The following CRB1 variants were observed in gnomAD, a reference collection of about 807,000 sequenced individuals.
The protein encoded by CRB1 is crumbs cell polarity complex component 1.
A neutral mutation model predicts 120.0 loss-of-function variants in CRB1; 83 were observed. The observed-to-expected ratio is 0.69, with a 90% CI of 0.58 to 0.83. The LOEUF is 0.83. CRB1 is among the 40% of genes least tolerant of loss of function. CRB1 has a pLI of 0.00. For missense variants in CRB1, 1,699 were observed against 1,687.6 expected (o/e 1.01, Z -0.12); for synonymous variants, 625 against 612.5 (o/e 1.02, Z -0.30).
At chr1:197,372,323 C>T (rs2125384668) in intron 5 of CRB1, among the ~76,000 whole-genome samples, 1 of 152,222 alleles carries the variant, frequency 6.6e-6, no homozygotes, top group Admixed American at 6.5e-5. Flanking sequence ...CGTAAGGGAG[C>T]TTAGATTGAC....
At chr1:197,218,656 T>G in the CRB1 span, among the ~76,000 whole-genome samples, 1 of 152,066 alleles carries the variant, frequency 6.6e-6, no homozygotes, top group Non-Finnish European at 1.5e-5. Flanking sequence ...TGACTGTGGA[T>G]GATACAAGGT....
intron 2 of CRB1, among the ~76,000 whole-genome samples, chr1:197,331,055 G>A (rs1010867491): frequency 2.6e-5 from 4 of 151,908 alleles, no homozygotes; most frequent in Non-Finnish European, 4.4e-5. Context: ...GGTGGCGGGC[G>A]CCTGTAGTCG....
chr1:197,226,733 C>T, the CRB1 span, among the ~76,000 whole-genome samples: 1 of 152,088 alleles, frequency 6.6e-6, no homozygotes, highest in Non-Finnish European at 1.5e-5. Context: ...AGGACTGTTT[C>T]CATGCTGCTG....
rs140637459 is a variant in CRB1 at position 197,304,420 on chromosome 1, G to A, written c.71-24002G>A. The A allele has an allele frequency of 2.8e-5, 27 of 975,024 alleles. No individual in the cohort carries two copies. In the East Asian group the frequency reaches 2.7e-3, roughly 99 times the overall value. 60.4% of individuals were successfully genotyped at this position (975,024 alleles called of 1,614,324 possible). Reference sequence around the variant, plus strand: ...TGGCATGTGCTCAGGAAAGGTAAATGTATGTCCTGGTTCAGGTGTATTCTC... The same window carrying A: ...TGGCATGTGCTCAGGAAAGGTAAATATATGTCCTGGTTCAGGTGTATTCTC... On this transcript the variant is annotated intron_variant, in intron 1 of 11. Transcript: ENST00000367400.
upstream of CRB1, among the ~76,000 whole-genome samples, chr1:197,264,621 T>G (rs1654591185): frequency 1.3e-5 from 2 of 151,188 alleles, no homozygotes; most frequent in South Asian, 4.2e-4. Flanking sequence ...TTCTTTTTTT[T>G]TTTTTTTTTT....
intron 5 of CRB1, among the ~76,000 whole-genome samples, chr1:197,362,638 T>G (rs1300388612): frequency 6.6e-6 from 1 of 152,150 alleles, no homozygotes; most frequent in African/African-American, 2.4e-5. Flanking sequence ...TTTTCTCATA[T>G]TCTTTTCTTG....
intron 2 of CRB1, 129 bp from the exon 3 acceptor site, chr1:197,344,152 G>T: frequency 1.1e-6 from 1 of 933,978 alleles, no homozygotes; most frequent in Non-Finnish European, 1.7e-6. Flanking sequence ...TTACAATTAA[G>T]GGGGAAAGTT....
the CRB1 span, among the ~76,000 whole-genome samples, chr1:197,255,614 T>C: frequency 6.6e-6 from 1 of 151,996 alleles, no homozygotes; most frequent in African/African-American, 2.4e-5. Flanking sequence ...ATGCCTGTTT[T>C]GGAGAAAAAA....
At position 197,432,399 on chromosome 1, in the gene CRB1, CACACAT is replaced by C. The variant is rs1299864499; in HGVS notation, c.2843-2305_2843-2300del. Among the ~76,000 whole-genome samples, 23 of 115,044 alleles carry C rather than the reference CACACAT, an allele frequency of 2.0e-4. 1 individual carries two copies. Among genetic ancestry groups the C allele is most frequent in the South Asian group, 6.3e-4 (2 of 3,168 alleles). The allele number at this position is 115,044 out of a possible 152,430, so 75.5% of individuals were successfully genotyped here. ...ACACACACACACACACACACACACA[CACACAT>C]AGTAAAAAACAATAAGATCAAAGGA... is the stretch of plus-strand genomic sequence containing the variant. On this transcript the variant is annotated intron_variant, in intron 8 of 11. Coordinates refer to ENST00000367400, the MANE Select transcript of CRB1 (RefSeq NM_201253.3).
intron 5 of CRB1, among the ~76,000 whole-genome samples, chr1:197,416,698 T>C (rs1302666052): frequency 1.3e-5 from 2 of 152,206 alleles, no homozygotes. Flanking sequence ...CTTTTTTATT[T>C]TTTATTTTAT....
chr1:197,420,916 G>A, intron 5 of CRB1, 84 bp from the exon 6 acceptor site: 1 of 942,184 alleles, frequency 1.1e-6, no homozygotes, highest in Admixed American at 1.7e-5. Flanking sequence ...ATGCACTTCT[G>A]CAAGATTATA....
chr1:197,407,800 C>A (rs945881111), intron 5 of CRB1, among the ~76,000 whole-genome samples: 1 of 152,054 alleles, frequency 6.6e-6, no homozygotes, highest in East Asian at 1.9e-4. Context: ...AACAACAAAT[C>A]AAAAAATATT....
intron 5 of CRB1, among the ~76,000 whole-genome samples, chr1:197,420,297 A>T (rs1324706884): frequency 6.6e-6 from 1 of 152,218 alleles, no homozygotes; most frequent in Non-Finnish European, 1.5e-5. Context: ...TACTTTTTTT[A>T]AATGAATTCT....
chr1:197,322,370 T>C (rs948006157), intron 1 of CRB1, among the ~76,000 whole-genome samples: 1 of 151,506 alleles, frequency 6.6e-6, no homozygotes, highest in Non-Finnish European at 1.5e-5. Flanking sequence ...GGCTGAGGCA[T>C]GAGAATACCT....
chr1:197,431,007 A>T (rs1300774550), intron 8 of CRB1, among the ~76,000 whole-genome samples: 2 of 152,026 alleles, frequency 1.3e-5, no homozygotes, highest in Non-Finnish European at 2.9e-5. Flanking sequence ...TTGAGTCTGC[A>T]GTAAGCTAGG....
In CRB1 at chr1:197,421,106, T is replaced by G. The variant is rs1488538714; in HGVS notation, c.1278T>G (p.Asp426Glu). 6 of 1,614,114 alleles carry G rather than the reference T, an allele frequency of 3.7e-6. No individual in the cohort carries two copies. The Admixed American group carries it at 1.0e-4, about 27-fold the overall frequency. The stretch of plus-strand genomic sequence containing the variant: ...ATTATACTTGCCATTGCCCATTTGA[T>G]AACCTTTCTAGAACTTTTTATGGAG... ...PGNYTCHCPF[D>E]NLSRTFYGGR... The change falls in exon 6 of 12, where the codon GAT becomes GAG. Residue 426 changes from aspartate to glutamate, a missense_variant. Physicochemically the swap from Asp to Glu is conservative, Grantham distance 45. Coordinates refer to ENST00000367400, the MANE Select transcript of CRB1 (RefSeq NM_201253.3).
chr1:197,316,195 T>A (rs1251778273), intron 1 of CRB1, among the ~76,000 whole-genome samples: 1 of 152,024 alleles, frequency 6.6e-6, no homozygotes, highest in Non-Finnish European at 1.5e-5. Context: ...TCAGACTTTT[T>A]TTTTTTTGAG....
intron 1 of CRB1, among the ~76,000 whole-genome samples, chr1:197,325,721 A>G (rs1041922965): frequency 1.3e-5 from 2 of 152,284 alleles, no homozygotes; most frequent in East Asian, 3.9e-4. Context: ...AGGAAAAAAA[A>G]CACCAGAAAT....
rs138026465 is a variant in CRB1, at chr1:197,471,734, A to G, written c.4006-5930A>G. On this transcript the variant is annotated intron_variant, in intron 11 of 11. Coordinates refer to ENST00000367400, the MANE Select transcript of CRB1 (RefSeq NM_201253.3). ...TATTTATGGTTGAAAATTGGCTGCT[A>G]TAGCAATATTAATTTTAAAAACAGA... 8.1e-4 allele frequency among the ~76,000 whole-genome samples: 123 copies of G among 152,332 alleles called. 3 individuals are homozygous for G. In the East Asian group the frequency reaches 0.022, roughly 27 times the overall value.
Sources: gnomAD v4.1 joint callset for allele counts (sites outside exome capture counted in the v4.1 genomes callset) on GRCh38, gnomAD v4.1.1 for gene constraint, MANE v1.5 for transcripts, NCBI Gene and HGNC (gene_info 2026-07-23, HGNC 2026-07-21) for gene names.